Variants in YLPM1 observed in about 807,000 individuals in gnomAD.
YLPM1 encodes YLP motif-containing protein 1.
In YLPM1, 99 loss-of-function variants were observed where a neutral mutation model predicts 230.0. That is an observed-to-expected ratio of 0.43 (90% CI 0.37 to 0.51). The LOEUF (loss-of-function observed/expected upper bound fraction) is 0.51. YLPM1 is among the 20% of genes least tolerant of loss of function. The probability of loss-of-function intolerance (pLI) is 0.00; values close to 1 mark genes in which losing one functional copy is unlikely to be tolerated. For synonymous variants in YLPM1, 984 were observed against 942.5 expected, an observed-to-expected ratio of 1.04 and a Z score of -0.81; for missense variants, 2,592 against 2,707.7, an observed-to-expected ratio of 0.96 and a Z score of 0.95.
At chr14:74,765,546 T>C (rs549156738) in intron 1 of YLPM1, among the ~76,000 whole-genome samples, 1 of 152,310 alleles carries the variant, frequency 6.6e-6, no homozygotes, top group Non-Finnish European at 1.5e-5. Flanking sequence ...CAGTTTATTT[T>C]CCCCAGATTG....
chr14:74,812,428 G>A (rs2091442160), intron 10 of YLPM1, among the ~76,000 whole-genome samples, 200 bp from the exon 11 acceptor site: 1 of 152,144 alleles, frequency 6.6e-6, no homozygotes, highest in Admixed American at 6.5e-5. Flanking sequence ...CTATTTGCCT[G>A]AAATCATACT....
rs980279403 is a variant in YLPM1 at position 74,763,365 on chromosome 14, C to A, written c.-125C>A. 16 of 1,213,106 alleles carry A rather than the reference C, an allele frequency of 1.3e-5. No homozygotes were observed. In the African/African-American group the frequency reaches 2.0e-4, roughly 16 times the overall value. 75.1% of individuals were successfully genotyped at this position (1,213,106 alleles called of 1,614,324 possible). A position where few individuals can be genotyped will look rare whatever the true frequency, so the allele number is the denominator to read the frequency against. On this transcript the variant is annotated 5_prime_UTR_variant, in exon 1 of 21. Transcript: ENST00000325680. ...GGAGCGCCGGCGCACTGGCGCGCTC[C>A]GTTTACACGCTCCGGGGCCTGTAGG... is the stretch of plus-strand genomic sequence containing the variant.
chr14:74,811,577 A>G (rs1392047388), intron 9 of YLPM1, 43 bp from the exon 10 acceptor site: 2 of 1,491,020 alleles, frequency 1.3e-6, no homozygotes, highest in Admixed American at 1.9e-5. Context: ...GAGAACCCCA[A>G]ATATTTTTTA....
rs1219172391 is a variant in YLPM1 at position 74,798,409 on chromosome 14, A to G, written c.3112A>G (p.Asn1038Asp). Residue 1038 changes from asparagine to aspartate, a missense_variant, in exon 5 of 21, where the codon AAC (asparagine) becomes GAC (aspartate). Physicochemically the swap from Asn to Asp is conservative, Grantham distance 23. Around this residue, in one of 4 missense-constraint regions of YLPM1, gnomAD observed 1,862 missense variants for 1,819.8 expected, o/e 1.02. Coordinates refer to ENST00000325680, the MANE Select transcript of YLPM1 (RefSeq NM_019589.3). ...MEDTRDKGLV[N>D]RGRGQAISRG... ...AGACACACGGGATAAAGGTCTAGTA[A>G]ACAGAGGTCGCGGCCAGGCAATCAG... 1 of 1,613,870 alleles carries G rather than the reference A, an allele frequency of 6.2e-7. No individual in the cohort carries two copies. The highest frequency in any genetic ancestry group is 8.5e-7 in the Non-Finnish European group (1 of 1,179,906).
At chr14:74,764,456 C>T in intron 1 of YLPM1, 94 bp downstream of exon 1, 1 of 1,394,736 alleles carries the variant, frequency 7.2e-7, no homozygotes, top group Non-Finnish European at 9.5e-7. Context: ...CTAATTCCAA[C>T]ACACAATGAC....
chr14:74,785,633 A>G (rs1457841027), intron 4 of YLPM1, among the ~76,000 whole-genome samples: 2 of 152,226 alleles, frequency 1.3e-5, no homozygotes, highest in Admixed American at 1.3e-4. Flanking sequence ...GCTATCAAAC[A>G]TATAACTGAT....
chr14:74,807,267 A>T (rs2091389312), intron 6 of YLPM1, among the ~76,000 whole-genome samples: 1 of 152,202 alleles, frequency 6.6e-6, no homozygotes, highest in Admixed American at 6.5e-5. Context: ...AAGAAAAAAC[A>T]TCCTAGAATA....
At chr14:74,832,960 A>G (rs1412851738) in intron 19 of YLPM1, among the ~76,000 whole-genome samples, 3 of 148,262 alleles carry the variant, frequency 2.0e-5, no homozygotes, top group Admixed American at 6.6e-5. Context: ...GCTGAGGTTG[A>G]TAAGTATATT....
At chr14:74,794,255 C>T (rs2091236486) in intron 4 of YLPM1, among the ~76,000 whole-genome samples, 1 of 152,126 alleles carries the variant, frequency 6.6e-6, no homozygotes, top group Non-Finnish European at 1.5e-5. Flanking sequence ...CCACCTCAGG[C>T]TCACTGCATT....
intron 18 of YLPM1, among the ~76,000 whole-genome samples, chr14:74,824,745 G>A (rs2091549598): frequency 6.6e-6 from 1 of 152,020 alleles, no homozygotes; most frequent in African/African-American, 2.4e-5. Context: ...TATAATAAAT[G>A]AGAGTTTCTG....
rs1261166893 is a variant in YLPM1, at chr14:74,812,763, G to A, written c.5483G>A (p.Arg1828Gln). 2 of 1,613,332 alleles carry A rather than the reference G, an allele frequency of 1.2e-6. No individual in the cohort carries two copies. Among genetic ancestry groups the A allele is most frequent in the South Asian group, 1.1e-5 (1 of 90,884 alleles). The change falls in exon 11 of 21, where the codon CGG becomes CAG. Residue 1828 changes from arginine (R) to glutamine (Q), a missense_variant. Physicochemically the swap from Arg to Gln is conservative, Grantham distance 43 (BLOSUM62 1). Around this residue, in one of 4 missense-constraint regions of YLPM1, gnomAD observed 315 missense variants for 429.3 expected, o/e 0.73. Transcript: ENST00000325680. Reference sequence around the variant, plus strand: ...GACGATATTTTGAAACCACCGGGCCGGGAGAGCAGACCTGAGAGAGTGAGT... The same window carrying A: ...GACGATATTTTGAAACCACCGGGCCAGGAGAGCAGACCTGAGAGAGTGAGT... The part of the protein sequence containing the change: ...NVDDILKPPG[R>Q]ESRPERIVVI...
At chr14:74,800,404 C>T (rs2091313243) in intron 5 of YLPM1, among the ~76,000 whole-genome samples, 1 of 152,160 alleles carries the variant, frequency 6.6e-6, no homozygotes, top group South Asian at 2.1e-4. Context: ...ATGCTTACTC[C>T]GGGCCAGGAA....
chr14:74,783,959 A>G (rs2091121441), intron 4 of YLPM1, among the ~76,000 whole-genome samples: 1 of 152,224 alleles, frequency 6.6e-6, no homozygotes, highest in East Asian at 1.9e-4. Context: ...ACCCCAGAAT[A>G]GGTACAGTTG....
chr14:74,804,435 T>C (rs2091357300), intron 6 of YLPM1, among the ~76,000 whole-genome samples: 1 of 152,174 alleles, frequency 6.6e-6, no homozygotes, highest in South Asian at 2.1e-4. Flanking sequence ...CTCCACTCTC[T>C]GATGCTTCAT....
rs1183958634 is a variant in YLPM1, at chr14:74,763,343, G to A, written c.-147G>A. 4.0e-6 allele frequency: 4 copies of A among 994,774 alleles called. No individual in the cohort carries two copies. In the East Asian group the frequency reaches 9.8e-5, roughly 24 times the overall value. 61.6% of individuals were successfully genotyped at this position (994,774 alleles called of 1,614,324 possible). A position where few individuals can be genotyped will look rare whatever the true frequency, so the allele number is the denominator to read the frequency against. On this transcript the variant is annotated 5_prime_UTR_variant, in exon 1 of 21. Transcript: ENST00000325680. ...TCCCGGTCGCGGGCCCAGCTCGGGAGCGCCGGCGCACTGGCGCGCTCCGTT... is the reference window on the plus strand; with the variant it reads ...TCCCGGTCGCGGGCCCAGCTCGGGAACGCCGGCGCACTGGCGCGCTCCGTT...
At chr14:74,827,237 C>G (rs889431747) in intron 18 of YLPM1, 15 of 755,762 alleles carry the variant, frequency 2.0e-5, no homozygotes, top group Non-Finnish European at 2.4e-5. Context: ...TCATCTTCAT[C>G]TTAAAACTTC....
Position 74,763,510 on chromosome 14 carries a change from G to T in YLPM1, c.21G>T (p.Arg7=). 1 of 1,491,808 alleles carries T rather than the reference G, an allele frequency of 6.7e-7. No homozygotes were observed. Among genetic ancestry groups the T allele is most frequent in the Non-Finnish European group, 8.9e-7 (1 of 1,117,828 alleles). The allele number at this position is 1,491,808 out of a possible 1,614,324, so 92.4% of individuals were successfully genotyped here. The change falls in exon 1 of 21, where the codon CGG becomes CGT. Residue 7 remains arginine, a synonymous_variant. Transcript: ENST00000325680. ...TCGATATGTACCCGAATTGGGGCCG[G>T]TATGGCGGGAGCAGCCACTATCCGC... MYPNWG[R]YGGSSHYPPP...
Position 74,827,847 on chromosome 14 carries a change from A to G in YLPM1, c.6164-1366A>G, listed in dbSNP as rs1331573917. The G allele has an allele frequency of 1.1e-5, 11 of 985,276 alleles. No individual in the cohort carries two copies. The Admixed American group carries it at 1.8e-4, about 17-fold the overall frequency. The allele number at this position is 985,276 out of a possible 1,614,324, so 61.0% of individuals were successfully genotyped here. On this transcript the variant is annotated intron_variant, in intron 18 of 20. Transcript: ENST00000325680. ...GGGGGTCACTTCTTTAAGATCATGTATAATACGGCCCGTCATATACACGTA... is the reference window on the plus strand; with the variant it reads ...GGGGGTCACTTCTTTAAGATCATGTGTAATACGGCCCGTCATATACACGTA...
chr14:74,774,445 G>A (rs1268819447), intron 1 of YLPM1, among the ~76,000 whole-genome samples: 1 of 151,362 alleles, frequency 6.6e-6, no homozygotes, highest in African/African-American at 2.4e-5. Flanking sequence ...TCGCTCTGTC[G>A]CCCAGGCTGG....
Sources: allele counts gnomAD v4.1 joint callset (sites outside exome capture counted in the v4.1 genomes callset), GRCh38; gene constraint gnomAD v4.1.1; regional missense constraint gnomAD v4.1.1; transcripts MANE v1.5; gene names NCBI Gene and HGNC (gene_info 2026-07-23, HGNC 2026-07-21).